TBCE: variants seen among roughly 807,000 people sequenced by gnomAD.
The protein encoded by TBCE is tubulin-specific chaperone E.
TBCE carries 53 observed loss-of-function variants against 77.0 expected under a neutral mutation model. The observed-to-expected ratio is 0.69, with a 90% confidence interval of 0.55 to 0.87. The LOEUF is 0.87. Ranked by LOEUF, TBCE falls within the 40% of genes least tolerant of loss-of-function variation. The pLI is 0.00. For missense variants in TBCE, 624 were observed against 622.4 expected, an observed-to-expected ratio of 1.00 and a Z score of -0.03; for synonymous variants, 235 against 241.3, an observed-to-expected ratio of 0.97 and a Z score of 0.24.
At chr1:235,426,943 G>A (rs1680751149) in intron 5 of TBCE, among the ~76,000 whole-genome samples, 197 bp from the exon 6 acceptor site, 1 of 152,214 alleles carries the variant, frequency 6.6e-6, no homozygotes, top group African/African-American at 2.4e-5. Context: ...ACCGCGCCTG[G>A]CCTCACAATG....
At chr1:235,414,749 A>T (rs1680019443) in intron 4 of TBCE, 131 bp downstream of exon 4, 4 of 853,160 alleles carry the variant, frequency 4.7e-6, no homozygotes, top group Non-Finnish European at 7.6e-6. Flanking sequence ...CAGAAACGGA[A>T]TCAAAATCTG....
chr1:235,396,895 A>G (rs1678756333), intron 2 of TBCE, among the ~76,000 whole-genome samples: 1 of 152,066 alleles, frequency 6.6e-6, no homozygotes. Flanking sequence ...CCCTTATTAG[A>G]TGAGTAGTTT....
At chr1:235,391,551 T>C (rs1439187709) in intron 2 of TBCE, among the ~76,000 whole-genome samples, 1 of 151,280 alleles carries the variant, frequency 6.6e-6, no homozygotes, top group African/African-American at 2.4e-5. Flanking sequence ...GCTTGTCATG[T>C]CAGTTTAACA....
chr1:235,436,660 A>T, intron 11 of TBCE, 52 bp downstream of exon 11: 1 of 1,512,594 alleles, frequency 6.6e-7, no homozygotes, highest in Non-Finnish European at 9.2e-7. Context: ...TTCCACTCTC[A>T]TGGCAGAGTT....
intron 5 of TBCE, among the ~76,000 whole-genome samples, chr1:235,422,803 T>C (rs887344282): frequency 7.9e-5 from 12 of 152,214 alleles, no homozygotes; most frequent in Non-Finnish European, 1.2e-4. Context: ...CACTCCAGCC[T>C]GGGCGACAAG....
At chr1:235,433,746 AT>A (rs1175257604) in intron 7 of TBCE, 4 of 158,982 alleles carry the variant, frequency 2.5e-5, no homozygotes, top group Middle Eastern at 3.1e-3. Context: ...AATTAAAAAA[AT>A]AATGAAAGAA....
intron 3 of TBCE, among the ~76,000 whole-genome samples, chr1:235,405,085 T>C (rs927084239): frequency 1.3e-5 from 2 of 151,506 alleles, no homozygotes; most frequent in African/African-American, 4.8e-5. Flanking sequence ...GCCTCAGTCT[T>C]CCGAGTAGCT....
intron 5 of TBCE, 63 bp from the exon 6 acceptor site, chr1:235,427,077 G>C: frequency 8.6e-7 from 1 of 1,161,552 alleles, no homozygotes; most frequent in Non-Finnish European, 1.3e-6. Flanking sequence ...GGAATTAAGA[G>C]TAACTCCTTT....
rs193248196 is a variant in TBCE at position 235,377,478 on chromosome 1, C to T, written c.-31-2541C>T. ...GCAGGCGTGAGCCACCGCGCCCAGC[C>T]TAATGTTATTGTTTTTACAAAATAT... is the stretch of plus-strand genomic sequence containing the variant. On this transcript the variant is annotated intron_variant, in intron 1 of 16. Coordinates refer to ENST00000642610, the MANE Select transcript of TBCE (RefSeq NM_003193.5). 3.3e-4 allele frequency among the ~76,000 whole-genome samples: 50 copies of T among 152,214 alleles called. No individual in the cohort carries two copies. The East Asian group carries it at 8.3e-3, about 25-fold the overall frequency.
chr1:235,398,801 A>T (rs1209352220), intron 2 of TBCE, among the ~76,000 whole-genome samples: 1 of 143,502 alleles, frequency 7.0e-6, no homozygotes, highest in Non-Finnish European at 1.5e-5. Context: ...GAATCGCTTG[A>T]GCCGGGCTTA....
chr1:235,368,924 A>T (rs563303349), intron 1 of TBCE, among the ~76,000 whole-genome samples: 1 of 152,126 alleles, frequency 6.6e-6, no homozygotes, highest in Non-Finnish European at 1.5e-5. Context: ...CTACTGAAAT[A>T]TTTGTCTAGA....
At chr1:235,423,266 C>T (rs1252433466) in intron 5 of TBCE, among the ~76,000 whole-genome samples, 1 of 152,060 alleles carries the variant, frequency 6.6e-6, no homozygotes. Context: ...TGCCCAGGTG[C>T]TTGGCCTGTG....
chr1:235,444,200 A>G (rs1682090199), intron 15 of TBCE, among the ~76,000 whole-genome samples: 1 of 152,210 alleles, frequency 6.6e-6, no homozygotes, highest in Non-Finnish European at 1.5e-5. Flanking sequence ...ATTGATAACC[A>G]TCCATTTAAT....
chr1:235,397,913 T>A (rs1248962338), intron 2 of TBCE, among the ~76,000 whole-genome samples: 1 of 152,156 alleles, frequency 6.6e-6, no homozygotes, highest in Non-Finnish European at 1.5e-5. Flanking sequence ...CCTCTATCAT[T>A]AATGTACTGG....
chr1:235,424,167 C>T (rs1167012803), intron 5 of TBCE, among the ~76,000 whole-genome samples: 1 of 152,142 alleles, frequency 6.6e-6, no homozygotes, highest in Non-Finnish European at 1.5e-5. Flanking sequence ...CACACAATGA[C>T]ACAGCTCTGT....
intron 15 of TBCE, among the ~76,000 whole-genome samples, chr1:235,447,652 T>TGTTC (rs373250426): frequency 7.2e-4 from 109 of 152,294 alleles, no homozygotes; most frequent in African/African-American, 2.5e-3. Flanking sequence ...CCCATTCCAG[T>TGTTC]GTTCGTTCAG....
intron 3 of TBCE, among the ~76,000 whole-genome samples, chr1:235,404,341 A>G (rs1679295156): frequency 6.6e-6 from 1 of 151,734 alleles, no homozygotes; most frequent in Non-Finnish European, 1.5e-5. Context: ...AGTACCAGCT[A>G]CTTGGGTGGC....
At chr1:235,381,954 T>G in intron 2 of TBCE, among the ~76,000 whole-genome samples, 1 of 103,504 alleles carries the variant, frequency 9.7e-6, no homozygotes, top group African/African-American at 3.7e-5. Context: ...CCTAATGCTA[T>G]CCCTCCCCCC....
chr1:235,378,444 G>A (rs1572320769), intron 1 of TBCE, among the ~76,000 whole-genome samples: 1 of 152,068 alleles, frequency 6.6e-6, no homozygotes, highest in South Asian at 2.1e-4. Flanking sequence ...GGCTGGTCTC[G>A]AATTCCTGGC....
Sources: allele counts gnomAD v4.1 joint callset (sites outside exome capture counted in the v4.1 genomes callset), GRCh38; gene constraint gnomAD v4.1.1; transcripts MANE v1.5; gene names NCBI Gene and HGNC (gene_info 2026-07-23, HGNC 2026-07-21).